Variants in FGD4 observed in about 807,000 individuals in gnomAD.
FGD4 encodes FYVE, RhoGEF and PH domain-containing protein 4.
FGD4 carries 42 observed loss-of-function variants against 102.0 expected under a neutral mutation model. That is an observed-to-expected ratio of 0.41 (90% CI 0.32 to 0.53). The LOEUF (loss-of-function observed/expected upper bound fraction) is 0.53, where lower values mean the gene tolerates loss of function less well. Among genes scored for constraint, FGD4 ranks in the 20% least tolerant of loss-of-function variants. FGD4 has a pLI of 0.21. For synonymous variants in FGD4, 380 were observed against 375.7 expected, an observed-to-expected ratio of 1.01 and a Z score of -0.13; for missense variants, 902 against 1,078.2, an observed-to-expected ratio of 0.84 and a Z score of 2.29.
intron 14 of FGD4, among the ~76,000 whole-genome samples, chr12:32,626,911 G>A (rs542989927): frequency 2.6e-5 from 4 of 152,196 alleles, no homozygotes; most frequent in Non-Finnish European, 4.4e-5. Context: ...GCAATGATGC[G>A]ATCTCGGTTC....
intron 1 of FGD4, among the ~76,000 whole-genome samples, chr12:32,461,968 A>C (rs1591947708): frequency 6.6e-6 from 1 of 151,846 alleles, no homozygotes; most frequent in Admixed American, 6.6e-5. Flanking sequence ...CTCGTGATCC[A>C]CCCGCCTCAG....
rs556818036 is a variant in FGD4, at chr12:32,518,342, G to A, written c.167-45795G>A. Among the ~76,000 whole-genome samples, 23 of 152,306 alleles carry A rather than the reference G, an allele frequency of 1.5e-4. No individual in the cohort carries two copies. In the South Asian group the frequency reaches 2.1e-3, roughly 14 times the overall value. The stretch of plus-strand genomic sequence containing the variant: ...AAAAATACAAAATTAGCCGATACTG[G>A]TGGCACATGCCGGTAATCACAGCTA... On this transcript the variant is annotated intron_variant, in intron 1 of 16. Coordinates refer to ENST00000534526, the MANE Select transcript of FGD4 (RefSeq NM_001370298.3).
At chr12:32,540,697 C>G (rs986572377) in intron 1 of FGD4, among the ~76,000 whole-genome samples, 1 of 152,054 alleles carries the variant, frequency 6.6e-6, no homozygotes, top group Non-Finnish European at 1.5e-5. Flanking sequence ...TCCCGAGTAG[C>G]TGGGATTACA....
At chr12:32,480,660 C>T (rs1402061649) in intron 1 of FGD4, among the ~76,000 whole-genome samples, 1 of 150,714 alleles carries the variant, frequency 6.6e-6, no homozygotes, top group Non-Finnish European at 1.5e-5. Context: ...ACCACCATGG[C>T]CAGCTAATTT....
intron 1 of FGD4, among the ~76,000 whole-genome samples, chr12:32,502,599 CA>C (rs141274101): frequency 1.1e-4 from 16 of 152,250 alleles, no homozygotes; most frequent in South Asian, 6.2e-4. Context: ...GGCAAAAGGA[CA>C]GTCATTTTTA....
At position 32,443,659 on chromosome 12, in the gene FGD4, G is replaced by A. The variant is rs937335916; in HGVS notation, c.166+43700G>A. Among the ~76,000 whole-genome samples the A allele has an allele frequency of 2.0e-5, 3 of 149,470 alleles. No individual in the cohort carries two copies. In the Admixed American group the frequency reaches 2.0e-4, roughly 10 times the overall value. ...GCTCAGGTGATCCTCTGGAGTATCT[G>A]GGACTACAGGAATGCAGCGCCACAC... On this transcript the variant is annotated intron_variant, in intron 1 of 16. Coordinates refer to ENST00000534526, the MANE Select transcript of FGD4 (RefSeq NM_001370298.3).
chr12:32,562,127 A>G (rs535542806), intron 1 of FGD4, among the ~76,000 whole-genome samples: 1 of 152,322 alleles, frequency 6.6e-6, no homozygotes, highest in South Asian at 2.1e-4. Flanking sequence ...GTGACTAGCC[A>G]CAGACCCAAC....
chr12:32,522,492 T>TTAGTA (rs1233011668), intron 1 of FGD4, among the ~76,000 whole-genome samples: 2 of 152,132 alleles, frequency 1.3e-5, no homozygotes, highest in Non-Finnish European at 2.9e-5. Context: ...AATAGAGAAA[T>TTAGTA]GAAAGCCTTC....
chr12:32,601,761 T>C (rs549151979), intron 6 of FGD4, among the ~76,000 whole-genome samples: 1 of 152,334 alleles, frequency 6.6e-6, no homozygotes, highest in South Asian at 2.1e-4. Context: ...ACAGGATGTA[T>C]GTAGAATGTG....
At chr12:32,574,985 A>G (rs1245023239) in intron 2 of FGD4, 1 of 152,226 alleles carries the variant, frequency 6.6e-6, no homozygotes, top group African/African-American at 2.4e-5. Flanking sequence ...CTTAGAGAAA[A>G]GTAATACTGG....
intron 1 of FGD4, among the ~76,000 whole-genome samples, chr12:32,462,842 A>G (rs1471799203): frequency 6.6e-6 from 1 of 152,206 alleles, no homozygotes; most frequent in East Asian, 1.9e-4. Flanking sequence ...TACTTGTGCC[A>G]TTGCCGTAAT....
chr12:32,599,290 C>T lies in FGD4; in HGVS notation c.1101+704C>T, dbSNP rs1476443598. ...CGGGCGGATCACGAGGTCAGGAGAT[C>T]GAGACCATCCTGGCTAACACGGTGA... On this transcript the variant is annotated intron_variant, in intron 5 of 16. Transcript: ENST00000534526. Among the ~76,000 whole-genome samples the T allele has an allele frequency of 2.0e-5, 3 of 149,562 alleles. 1 individual carries two copies. The highest frequency in any genetic ancestry group is 2.0e-4 in the Admixed American group (3 of 14,992).
At chr12:32,593,007 G>A (rs567207628) in intron 4 of FGD4, among the ~76,000 whole-genome samples, 1 of 152,164 alleles carries the variant, frequency 6.6e-6, no homozygotes, top group Non-Finnish European at 1.5e-5. Context: ...AAAGATGATA[G>A]TGAGAGCCAA....
chr12:32,507,284 A>T (rs536965330), intron 1 of FGD4, among the ~76,000 whole-genome samples: 11 of 152,180 alleles, frequency 7.2e-5, no homozygotes, highest in African/African-American at 2.6e-4. Flanking sequence ...GCTGCATAGT[A>T]TTCCATGGTG....
chr12:32,490,712 A>G (rs193085675), intron 1 of FGD4, among the ~76,000 whole-genome samples: 1 of 152,270 alleles, frequency 6.6e-6, no homozygotes, highest in East Asian at 1.9e-4. Flanking sequence ...AGTCTTTTTT[A>G]ATGGGATGAC....
chr12:32,541,268 A>C (rs1339241118), intron 1 of FGD4, among the ~76,000 whole-genome samples: 25 of 152,234 alleles, frequency 1.6e-4, no homozygotes, highest in Non-Finnish European at 2.9e-5. Context: ...GTCTAGAAAA[A>C]ATGTGAGGCC....
At chr12:32,468,125 C>T (rs1479468912) in intron 1 of FGD4, among the ~76,000 whole-genome samples, 1 of 152,060 alleles carries the variant, frequency 6.6e-6, no homozygotes, top group East Asian at 1.9e-4. Flanking sequence ...TCACTGCAAC[C>T]TCAAACTCTT....
chr12:32,599,509 G>A (rs369127179), intron 5 of FGD4, among the ~76,000 whole-genome samples: 44 of 72,438 alleles, frequency 6.1e-4, no homozygotes, highest in African/African-American at 1.6e-3. Flanking sequence ...AAAAAAAAAA[G>A]AATAACTTTT....
chr12:32,570,710 G>C (rs945872535), intron 2 of FGD4, among the ~76,000 whole-genome samples: 46 of 152,232 alleles, frequency 3.0e-4, no homozygotes, highest in African/African-American at 1.1e-3. Context: ...CAAAGTGCTA[G>C]GATTACAGGC....
Sources: gnomAD v4.1 joint callset for allele counts (sites outside exome capture counted in the v4.1 genomes callset) on GRCh38, gnomAD v4.1.1 for gene constraint, MANE v1.5 for transcripts, NCBI Gene and HGNC (gene_info 2026-07-23, HGNC 2026-07-21) for gene names.